Variants in CHST11 observed in about 807,000 individuals in gnomAD.
The protein encoded by CHST11 is C4S-1.
CHST11 carries 9 observed loss-of-function variants against 30.4 expected under a neutral mutation model. That is an observed-to-expected ratio of 0.30 (90% CI 0.18 to 0.52). CHST11 has a LOEUF of 0.52. Among genes scored for constraint, CHST11 ranks in the 20% least tolerant of loss-of-function variants. CHST11 has a pLI of 0.97. For synonymous variants in CHST11, 152 were observed against 187.8 expected, an observed-to-expected ratio of 0.81 and a Z score of 1.56; for missense variants, 348 against 460.6, an observed-to-expected ratio of 0.76 and a Z score of 2.24.
intron 2 of CHST11, among the ~76,000 whole-genome samples, chr12:104,653,067 T>C (rs1446999071): frequency 6.6e-6 from 1 of 152,210 alleles, no homozygotes; most frequent in Non-Finnish European, 1.5e-5. Context: ...CTCAGTACCT[T>C]CACACTGTTG....
intron 2 of CHST11, among the ~76,000 whole-genome samples, chr12:104,606,619 G>A (rs1416991692): frequency 6.6e-6 from 1 of 152,196 alleles, no homozygotes; most frequent in Admixed American, 6.5e-5. Context: ...GATGAGGAGA[G>A]GCTGGTGCTT....
At chr12:104,464,714 G>A (rs928968855) in intron 1 of CHST11, among the ~76,000 whole-genome samples, 1 of 152,148 alleles carries the variant, frequency 6.6e-6, no homozygotes, top group African/African-American at 2.4e-5. Flanking sequence ...CTGAAAAAGA[G>A]ATTTGAGAAA....
intron 1 of CHST11, among the ~76,000 whole-genome samples, chr12:104,591,432 A>G (rs1485976472): frequency 6.6e-6 from 1 of 152,038 alleles, no homozygotes; most frequent in African/African-American, 2.4e-5. Flanking sequence ...GGACAGAGAC[A>G]TGCTGATGGG....
At chr12:104,656,505 T>A (rs1293291754) in intron 2 of CHST11, among the ~76,000 whole-genome samples, 1 of 152,158 alleles carries the variant, frequency 6.6e-6, no homozygotes, top group East Asian at 1.9e-4. Context: ...AGTCTTATCA[T>A]CTCGTGTCAT....
intron 2 of CHST11, among the ~76,000 whole-genome samples, chr12:104,659,034 C>T (rs74949293): frequency 0.025 from 3,832 of 152,374 alleles, 186 homozygotes; most frequent in African/African-American, 0.086. Flanking sequence ...AAGCCCTTCA[C>T]ATCTTACCAA....
chr12:104,732,903 A>AT (rs900600731), intron 2 of CHST11, among the ~76,000 whole-genome samples: 2 of 152,208 alleles, frequency 1.3e-5, no homozygotes, highest in African/African-American at 4.8e-5. Context: ...AGTATTAAGT[A>AT]TTTTTTTTAA....
rs187195506 is a variant in CHST11 at position 104,465,210 on chromosome 12, C to T, written c.118+7681C>T. Among the ~76,000 whole-genome samples, 506 of 152,300 alleles carry T rather than the reference C, an allele frequency of 3.3e-3. 2 individuals carry two copies. Among genetic ancestry groups the T allele is most frequent in the African/African-American group, 0.012 (482 of 41,564 alleles). Reference sequence around the variant, plus strand: ...GCAGAGTCTGAGGGCTCAAAAGTACCTGGTTAGTCTTGAGTACTTGCTTCT... The same window carrying T: ...GCAGAGTCTGAGGGCTCAAAAGTACTTGGTTAGTCTTGAGTACTTGCTTCT... On this transcript the variant is annotated intron_variant, in intron 1 of 2. Transcript: ENST00000303694.
chr12:104,695,677 T>C (rs932636684), intron 2 of CHST11, among the ~76,000 whole-genome samples: 6 of 152,144 alleles, frequency 3.9e-5, no homozygotes, highest in African/African-American at 9.7e-5. Context: ...TAGCTTACAA[T>C]TGATAGATTT....
At chr12:104,620,517 C>T (rs1462374191) in intron 2 of CHST11, among the ~76,000 whole-genome samples, 1 of 152,198 alleles carries the variant, frequency 6.6e-6, no homozygotes, top group Non-Finnish European at 1.5e-5. Flanking sequence ...TGATTTAGCG[C>T]TGTTTTCAAA....
rs74458099 is a variant in CHST11 at position 104,741,596 on chromosome 12, T to C, written c.205-15353T>C. On this transcript the variant is annotated intron_variant, in intron 2 of 2. Coordinates refer to ENST00000303694, the MANE Select transcript of CHST11 (RefSeq NM_018413.6). ...AATCTTGATATTGCCAGAAAATTGC[T>C]CTTCAGACCTCCAATTTGCTTAACA... 2.5e-3 allele frequency among the ~76,000 whole-genome samples: 379 copies of C among 152,312 alleles called. 1 individual carries two copies. Among genetic ancestry groups the C allele is most frequent in the African/African-American group, 8.7e-3 (360 of 41,562 alleles).
intron 2 of CHST11, among the ~76,000 whole-genome samples, chr12:104,746,962 G>A (rs2040392877): frequency 1.3e-5 from 2 of 152,200 alleles, no homozygotes; most frequent in South Asian, 2.1e-4. Context: ...CTGAGGACCA[G>A]GAAGGTGAAA....
Position 104,562,446 on chromosome 12 carries a change from G to A in CHST11, c.119-39460G>A, listed in dbSNP as rs920110685. Among the ~76,000 whole-genome samples the A allele has an allele frequency of 5.3e-5, 8 of 152,286 alleles. No homozygotes were observed. The East Asian group carries it at 9.7e-4, about 18-fold the overall frequency. ...TCTGGTAGGAAAAAGCGCAGAGCCC[G>A]TAATAGTGGTCAGAGCCTTTGCTTG... On this transcript the variant is annotated intron_variant, in intron 1 of 2. Coordinates refer to ENST00000303694, the MANE Select transcript of CHST11 (RefSeq NM_018413.6).
intron 2 of CHST11, among the ~76,000 whole-genome samples, chr12:104,661,305 T>C (rs1005111407): frequency 6.6e-6 from 1 of 152,082 alleles, no homozygotes; most frequent in Non-Finnish European, 1.5e-5. Context: ...GGCGGGTAGA[T>C]CGCTGGAGAT....
chr12:104,487,550 T>C (rs10861225), intron 1 of CHST11, among the ~76,000 whole-genome samples: 55,137 of 152,130 alleles, frequency 0.36, 10,249 homozygotes, highest in East Asian at 0.5. Flanking sequence ...GCATGAGCCA[T>C]TGCTCCTGGC....
chr12:104,476,399 G>A (rs867290879), intron 1 of CHST11, among the ~76,000 whole-genome samples: 4 of 151,790 alleles, frequency 2.6e-5, no homozygotes, highest in Middle Eastern at 3.4e-3. Context: ...AAATCGTCAG[G>A]CTTACAGTGT....
intron 2 of CHST11, among the ~76,000 whole-genome samples, chr12:104,752,861 C>T (rs1185928728): frequency 6.6e-6 from 1 of 152,190 alleles, no homozygotes; most frequent in East Asian, 1.9e-4. Context: ...GGTCTTCCTG[C>T]TTACAGATCA....
At chr12:104,693,618 G>C (rs1419627845) in intron 2 of CHST11, among the ~76,000 whole-genome samples, 1 of 152,204 alleles carries the variant, frequency 6.6e-6, no homozygotes, top group African/African-American at 2.4e-5. Context: ...CATGCCAAGT[G>C]TCAGGACATG....
chr12:104,493,164 A>T (rs1311225955), intron 1 of CHST11, among the ~76,000 whole-genome samples: 1 of 152,248 alleles, frequency 6.6e-6, no homozygotes, highest in African/African-American at 2.4e-5. Context: ...GGAAAGTGAA[A>T]TAAAACTAAT....
At chr12:104,640,190 T>A (rs1686156246) in intron 2 of CHST11, among the ~76,000 whole-genome samples, 3 of 152,176 alleles carry the variant, frequency 2.0e-5, no homozygotes, top group Admixed American at 2.0e-4. Flanking sequence ...AAACTAAACA[T>A]CCTCTTATCA....
Sources: gnomAD v4.1 joint callset for allele counts (sites outside exome capture counted in the v4.1 genomes callset) on GRCh38, gnomAD v4.1.1 for gene constraint, MANE v1.5 for transcripts, NCBI Gene and HGNC (gene_info 2026-07-23, HGNC 2026-07-21) for gene names.